ZSCAN5A: variants seen among roughly 807,000 people sequenced by gnomAD.
ZSCAN5A encodes zinc finger and SCAN domain-containing protein 5A.
Under a neutral mutation model 23.7 loss-of-function variants are expected in ZSCAN5A, and 12 were observed. The ratio of observed to expected loss-of-function variants is 0.51; its 90% CI spans 0.32 to 0.82. The LOEUF (loss-of-function observed/expected upper bound fraction) is 0.82. Ranked by LOEUF, ZSCAN5A falls within the 40% of genes least tolerant of loss-of-function variation. The pLI is 0.03. For synonymous variants in ZSCAN5A, 257 were observed against 239.9 expected (o/e 1.07, Z -0.66); for missense variants, 597 against 617.9 (o/e 0.97, Z 0.36).
chr19:56,260,513 C>CT (rs113192105), intron 2 of ZSCAN5A, among the ~76,000 whole-genome samples: 25 of 151,698 alleles, frequency 1.6e-4, no homozygotes, highest in East Asian at 5.8e-4. Context: ...CGCGCCTGGG[C>CT]TTTTTTTTAC....
chr19:56,332,544 T>C (rs2041499192), intron 2 of ZSCAN5A, among the ~76,000 whole-genome samples: 1 of 152,248 alleles, frequency 6.6e-6, no homozygotes, highest in Non-Finnish European at 1.5e-5. Context: ...GCCGTATGGG[T>C]GTTGTCACAT....
chr19:56,280,315 G>T (rs1362391345), intron 2 of ZSCAN5A, among the ~76,000 whole-genome samples: 2 of 152,058 alleles, frequency 1.3e-5, no homozygotes, highest in Non-Finnish European at 2.9e-5. Context: ...AATATTTCTT[G>T]TATGGAAGTC....
chr19:56,288,717 G>A (rs2039308115), intron 2 of ZSCAN5A, among the ~76,000 whole-genome samples: 1 of 152,124 alleles, frequency 6.6e-6, no homozygotes, highest in Non-Finnish European at 1.5e-5. Flanking sequence ...TGAGTGAATT[G>A]GGTTGCCTCA....
chr19:56,267,903 C>A (rs2037584589), intron 2 of ZSCAN5A, among the ~76,000 whole-genome samples: 1 of 152,162 alleles, frequency 6.6e-6, no homozygotes, highest in Admixed American at 6.5e-5. Flanking sequence ...CCCTGAGAAA[C>A]TGAGGTCCAA....
At chr19:56,295,994 G>A (rs536436847) in intron 2 of ZSCAN5A, 2 of 152,702 alleles carry the variant, frequency 1.3e-5, no homozygotes, top group African/African-American at 4.8e-5. Flanking sequence ...TGCCTGCCCC[G>A]GGACTCTGTA....
chr19:56,302,072 G>A lies in ZSCAN5A; in HGVS notation c.-128+11211C>T, dbSNP rs149859323. 2.0e-4 allele frequency: 244 copies of A among 1,231,714 alleles called. No individual in the cohort carries two copies. In the African/African-American group the frequency reaches 3.2e-3, roughly 16 times the overall value. 76.3% of individuals were successfully genotyped at this position (1,231,714 alleles called of 1,614,324 possible). A position where few individuals can be genotyped will look rare whatever the true frequency, so the allele number is the denominator to read the frequency against. Reference sequence around the variant, plus strand: ...CTACATGGTGATGACCTACCTCTTCGTATCCTACAACAAAGGGGACTGGGT... The same window carrying A: ...CTACATGGTGATGACCTACCTCTTCATATCCTACAACAAAGGGGACTGGGT... On this transcript the variant is annotated intron_variant, in intron 2 of 5. Transcript: ENST00000683990.
chr19:56,343,036 C>T (rs1375484478), intron 2 of ZSCAN5A: 4 of 813,178 alleles, frequency 4.9e-6, no homozygotes, highest in Non-Finnish European at 6.6e-6. Context: ...CTTCTTTCCC[C>T]CAGAACTGTC....
chr19:56,246,947 T>C lies in ZSCAN5A; in HGVS notation c.-127-21774A>G, dbSNP rs749980769. ...GGGCCTCAAGGAGGAGCCACACCTG[T>C]GGGCAACAGCGAATCCCCAGGAAAA... On this transcript the variant is annotated intron_variant, in intron 2 of 5. Transcript: ENST00000683990. The C allele has an allele frequency of 3.9e-6, 6 of 1,547,436 alleles. No individual in the cohort carries two copies. In the African/African-American group the frequency reaches 4.1e-5, roughly 11 times the overall value.
intron 3 of ZSCAN5A, 58 bp downstream of exon 3, chr19:56,224,605 C>T (rs557944656): frequency 9.7e-6 from 15 of 1,546,376 alleles, no homozygotes; most frequent in African/African-American, 1.4e-5. Flanking sequence ...TCCAGCTGCA[C>T]CGTGCAGCCC....
rs376844876 is a variant in ZSCAN5A, at chr19:56,319,924, C to T, written c.-357-3656G>A. ...GCTGCAAAAATTCATTGAGTTCAACCTGTCCATTTTTATTCAAATCGACTT... is the reference window on the plus strand; with the variant it reads ...GCTGCAAAAATTCATTGAGTTCAACTTGTCCATTTTTATTCAAATCGACTT... On this transcript the variant is annotated intron_variant, in intron 2 of 6. Coordinates refer to the ZSCAN5A transcript ENST00000587340. The T allele has an allele frequency of 4.7e-5, 59 of 1,268,166 alleles. No homozygotes were observed. In the African/African-American group the frequency reaches 4.8e-4, roughly 10 times the overall value. 78.6% of individuals were successfully genotyped at this position (1,268,166 alleles called of 1,614,324 possible).
intron 2 of ZSCAN5A, among the ~76,000 whole-genome samples, chr19:56,249,639 C>A (rs574054142): frequency 6.6e-6 from 1 of 152,312 alleles, no homozygotes; most frequent in Admixed American, 6.5e-5. Context: ...CACCATTTCC[C>A]CCACTGTTCA....
chr19:56,255,819 C>A (rs1318464255), intron 2 of ZSCAN5A, among the ~76,000 whole-genome samples: 1 of 152,112 alleles, frequency 6.6e-6, no homozygotes, highest in African/African-American at 2.4e-5. Context: ...AAACTGGCAT[C>A]AAAAAGTTAA....
At chr19:56,257,164 G>A (rs1387161653) in intron 2 of ZSCAN5A, among the ~76,000 whole-genome samples, 1 of 152,162 alleles carries the variant, frequency 6.6e-6, no homozygotes, top group Non-Finnish European at 1.5e-5. Context: ...TCCAAGAGGG[G>A]CGAGTTTGCA....
chr19:56,254,935 A>T (rs2036594656), intron 2 of ZSCAN5A, among the ~76,000 whole-genome samples: 1 of 151,594 alleles, frequency 6.6e-6, no homozygotes, highest in Admixed American at 6.6e-5. Context: ...CTGGAGATGA[A>T]CCCCTTTTCA....
At position 56,247,367 on chromosome 19, in the gene ZSCAN5A, A is replaced by T. The variant is rs1284346789; in HGVS notation, c.-127-22194T>A. ...TACAGGAAGAACCTGAACGAGCACA[A>T]GCTCATCCACTCCGGAGAGAAACCC... On this transcript the variant is annotated intron_variant, in intron 2 of 5. Transcript: ENST00000683990. The T allele has an allele frequency of 1.4e-5, 3 of 222,048 alleles. No individual in the cohort carries two copies. The South Asian group carries it at 2.3e-4, about 17-fold the overall frequency. The allele number at this position is 222,048 out of a possible 1,614,324, so 13.8% of individuals were successfully genotyped here.
intron 2 of ZSCAN5A, among the ~76,000 whole-genome samples, chr19:56,325,836 A>AAG (rs538364674): frequency 1.5e-3 from 221 of 152,262 alleles, no homozygotes; most frequent in African/African-American, 5.0e-3. Flanking sequence ...TTAAGAAGAC[A>AAG]ATATATATTG....
At position 56,328,990 on chromosome 19, in the gene ZSCAN5A, G is replaced by A. The variant is rs1207921427; in HGVS notation, c.-357-12722C>T. On this transcript the variant is annotated intron_variant, in intron 2 of 6. Transcript: ENST00000587340. The stretch of plus-strand genomic sequence containing the variant: ...AGCCTGGGCGACAGAGCGAGACTCC[G>A]TCTCAAAAAAAAAAAAAAATAAATA... Among the ~76,000 whole-genome samples, 20 of 135,846 alleles carry A rather than the reference G, an allele frequency of 1.5e-4. 1 individual carries two copies. The highest frequency in any genetic ancestry group is 2.8e-4 in the Non-Finnish European group (18 of 64,932). The allele number at this position is 135,846 out of a possible 152,430, so 89.1% of individuals were successfully genotyped here.
intron 1 of ZSCAN5A, chr19:56,366,012 A>C (rs1297321834): frequency 6.6e-6 from 1 of 152,238 alleles, no homozygotes; most frequent in Non-Finnish European, 1.5e-5. Flanking sequence ...TTCAATGCTC[A>C]GGAGAGAAAC....
intron 2 of ZSCAN5A, among the ~76,000 whole-genome samples, chr19:56,233,584 C>T (rs982502716): frequency 1.5e-4 from 23 of 150,590 alleles, no homozygotes; most frequent in Non-Finnish European, 2.8e-4. Flanking sequence ...TCACCCACAC[C>T]GAATCCTATA....
Sources: allele counts gnomAD v4.1 joint callset (sites outside exome capture counted in the v4.1 genomes callset), GRCh38; gene constraint gnomAD v4.1.1; transcripts MANE v1.5; gene names NCBI Gene and HGNC (gene_info 2026-07-23, HGNC 2026-07-21).